LAMB2: variants seen among roughly 807,000 people sequenced by gnomAD.
The protein encoded by LAMB2 is laminin subunit beta 2.
A neutral mutation model predicts 202.7 loss-of-function variants in LAMB2; 119 were observed. That is an observed-to-expected ratio of 0.59 (90% CI 0.51 to 0.68). The LOEUF is 0.68. LAMB2 is among the 30% of genes least tolerant of loss of function. LAMB2 has a pLI of 0.00. For missense variants in LAMB2, 2,124 were observed against 2,410.6 expected, an observed-to-expected ratio of 0.88 and a Z score of 2.49; for synonymous variants, 818 against 902.2, an observed-to-expected ratio of 0.91 and a Z score of 1.67.
At position 49,131,258 on chromosome 3, in the gene LAMB2, G is replaced by A. The variant is rs2045478431; in HGVS notation, c.713-106C>T. The A allele has an allele frequency of 2.1e-5, 31 of 1,455,530 alleles. 1 individual carries two copies. In the South Asian group the frequency reaches 3.6e-4, roughly 17 times the overall value. The allele number at this position is 1,455,530 out of a possible 1,614,324, so 90.2% of individuals were successfully genotyped here. ...CACCTTGAAAGACCTCCTATACACT[G>A]CCACCCGAGCTAAACTGGGCTTGGC... is the stretch of plus-strand genomic sequence containing the variant. On this transcript the variant is annotated intron_variant, in intron 6 of 31. Coordinates refer to ENST00000305544, the MANE Select transcript of LAMB2 (RefSeq NM_002292.4). The surrounding 1 kb of genome is among the most constrained non-coding windows in gnomAD (Gnocchi z 5.0).
Position 49,129,957 on chromosome 3 carries a change from A to C in LAMB2, c.1287T>G (p.Pro429=). ...ACTGGCCGGAGACCAGTCCCAGTGC[A>C]GGGTCATCATGGGAATCACAGCGAC... ...DGGRCDSHDD[P]ALGLVSGQCR... The change falls in exon 10 of 32, where the codon CCT becomes CCG. Residue 429 remains proline, a synonymous_variant. Transcript: ENST00000305544. The surrounding 1 kb of genome is among the most constrained non-coding windows in gnomAD (Gnocchi z 6.1). 6.2e-7 allele frequency: 1 copy of C among 1,614,004 alleles called. No homozygotes were observed. Among genetic ancestry groups the C allele is most frequent in the Non-Finnish European group, 8.5e-7 (1 of 1,179,972 alleles).
intron 24 of LAMB2, 42 bp downstream of exon 24, chr3:49,123,686 C>T (rs1219687197): frequency 1.9e-6 from 3 of 1,613,708 alleles, no homozygotes; most frequent in Admixed American, 3.3e-5. Flanking sequence ...GTCCACTGGG[C>T]CTCTGCCCCA....
rs1412080788 is a variant in LAMB2, at chr3:49,125,470, G to A, written c.2503C>T (p.His835Tyr). The stretch of plus-strand genomic sequence containing the variant: ...CAGAGACTGCTGAGTGCCCCCTCGT[G>A]GCTGCACTGGCAGGCTAGGAGCAAG... ...PTGCQACQCS[H>Y]EGALSSLCEK... Residue 835 changes from histidine to tyrosine, a missense_variant, in exon 19 of 32, where the codon CAC (histidine) becomes TAC (tyrosine). His to Tyr is a moderately conservative substitution (Grantham distance 83, BLOSUM62 2). Transcript: ENST00000305544. 1 of 1,600,682 alleles carries A rather than the reference G, an allele frequency of 6.2e-7. No homozygotes were observed. The highest frequency in any genetic ancestry group is 8.5e-7 in the Non-Finnish European group (1 of 1,173,912).
In LAMB2 at chr3:49,124,198, T is replaced by G. The variant is rs755290920; in HGVS notation, c.3416A>C (p.Gln1139Pro). ...QELHWGDPGL[Q>P]CHACDCDSRG... ...CCCGCTGGCTCCCTCACCATGGCAC[T>G]GCAACCCAGGGTCTCCCCAGTGGAG... The change falls in exon 23 of 32, where the codon CAG becomes CCG. Residue 1139 changes from glutamine (Q) to proline (P), a missense_variant. By Grantham distance (76) the Gln-to-Pro change is moderately conservative. Around this residue, in one of 3 missense-constraint regions of LAMB2, gnomAD observed 1,702 missense variants for 1,896.3 expected, o/e 0.90. Coordinates refer to ENST00000305544, the MANE Select transcript of LAMB2 (RefSeq NM_002292.4). 1.9e-6 allele frequency: 3 copies of G among 1,614,010 alleles called. No homozygotes were observed. The highest frequency in any genetic ancestry group is 2.5e-6 in the Non-Finnish European group (3 of 1,179,940).
In LAMB2 at chr3:49,121,711, G is replaced by A; in HGVS notation, c.5073C>T (p.Ala1691=). Residue 1691 remains alanine (A), a synonymous_variant, in exon 30 of 32, where the codon GCC becomes GCT. Transcript: ENST00000305544. ...GCTCAGCCTCCTGGGCACGACCCTG[G>A]GCACTGCCTGCCGTTTCTTCTGCTG... ...ASTAEETAGS[A]QGRAQEAEQL... 2 of 1,613,958 alleles carry A rather than the reference G, an allele frequency of 1.2e-6. No individual in the cohort carries two copies. Among genetic ancestry groups the A allele is most frequent in the Admixed American group, 1.7e-5 (1 of 60,028 alleles).
Position 49,123,651 on chromosome 3 carries a change from G to A in LAMB2, c.3798-20C>T, listed in dbSNP as rs761169384. 6.2e-7 allele frequency: 1 copy of A among 1,614,000 alleles called. No homozygotes were observed. Among genetic ancestry groups the A allele is most frequent in the South Asian group, 1.1e-5 (1 of 91,082 alleles). On this transcript the variant is annotated intron_variant, in intron 24 of 31. Coordinates refer to ENST00000305544, the MANE Select transcript of LAMB2 (RefSeq NM_002292.4). Reference sequence around the variant, plus strand: ...TCACGCCTGCAATGATGGAGAGGGGGGTGTTTAGAGAGGCTTCAGCCCTGG... The same window carrying A: ...TCACGCCTGCAATGATGGAGAGGGGAGTGTTTAGAGAGGCTTCAGCCCTGG...
At chr3:49,124,958 C>G in intron 20 of LAMB2, 33 bp from the exon 21 acceptor site, 1 of 1,613,936 alleles carries the variant, frequency 6.2e-7, no homozygotes, top group Non-Finnish European at 8.5e-7. Context: ...TGTGAGTGCT[C>G]AGCCCAGCCA....
rs2107634244 is a variant in LAMB2 at position 49,122,456 on chromosome 3, G to A, written c.4574-86C>T. ...GTTTTGGGGTATGGACTCAGGACAT[G>A]TACATGGGATAGGGGTTTGTTACCA... is the stretch of plus-strand genomic sequence containing the variant. On this transcript the variant is annotated intron_variant, in intron 27 of 31. Transcript: ENST00000305544. 15 of 1,272,306 alleles carry A rather than the reference G, an allele frequency of 1.2e-5. 1 individual carries two copies. In the South Asian group the frequency reaches 1.7e-4, roughly 14 times the overall value. The allele number at this position is 1,272,306 out of a possible 1,614,324, so 78.8% of individuals were successfully genotyped here.
Position 49,123,237 on chromosome 3 carries a change from A to C in LAMB2, c.4119T>G (p.Asp1373Glu). 6.2e-7 allele frequency: 1 copy of C among 1,614,044 alleles called. No individual in the cohort carries two copies. The highest frequency in any genetic ancestry group is 1.1e-5 in the South Asian group (1 of 91,086). Residue 1373 changes from aspartate (D) to glutamate (E), a missense_variant, in exon 26 of 32, where the codon GAT (aspartate) becomes GAG (glutamate). Transcript: ENST00000305544. ...TGCTGTTGAAGTCCTCCTTCTGAGCATCCATCAGTGCCTCTGTCCGATGCC... is the reference window on the plus strand; with the variant it reads ...TGCTGTTGAAGTCCTCCTTCTGAGCCTCCATCAGTGCCTCTGTCCGATGCC... ...SARHRTEALM[D>E]AQKEDFNSKH...
rs776339476 is a variant in LAMB2, at chr3:49,130,914, C to T, written c.915+36G>A. ...CACTGCTCAGCCATGTCCGCCCCTGCCCCTAGCCCTATCCCAACCGTCTGA... is the reference window on the plus strand; with the variant it reads ...CACTGCTCAGCCATGTCCGCCCCTGTCCCTAGCCCTATCCCAACCGTCTGA... On this transcript the variant is annotated intron_variant, in intron 7 of 31. Coordinates refer to ENST00000305544, the MANE Select transcript of LAMB2 (RefSeq NM_002292.4). This position sits in a 1 kb window ranked among gnomAD's most constrained non-coding sequence, Gnocchi z 5.0. 1 of 1,614,062 alleles carries T rather than the reference C, an allele frequency of 6.2e-7. No individual in the cohort carries two copies. The highest frequency in any genetic ancestry group is 2.2e-5 in the East Asian group (1 of 44,902).
In LAMB2 at chr3:49,128,653, G is replaced by A. The variant is rs774610142; in HGVS notation, c.1890+8C>T. On this transcript the variant is annotated splice_region_variant and intron_variant, in intron 14 of 31. Coordinates refer to ENST00000305544, the MANE Select transcript of LAMB2 (RefSeq NM_002292.4). ...GGTTCAGCCCCAGATTAGATAACAG[G>A]GTCTAACCTGGGGCTCTAAGCGCAG... The A allele has an allele frequency of 6.2e-7, 1 of 1,614,030 alleles. No homozygotes were observed. Among genetic ancestry groups the A allele is most frequent in the African/African-American group, 1.3e-5 (1 of 74,922 alleles).
Position 49,121,952 on chromosome 3 carries a change from G to C in LAMB2, c.4915C>G (p.Leu1639Val). ...VADTRDTEQT[L>V]YQVQERMAGA... ...TCCTAGGAAGACCTCACCTGGTACA[G>C]GGTCTGCTCTGTGTCCCGTGTGTCA... The change falls in exon 29 of 32, where the codon CTG becomes GTG. Residue 1639 changes from leucine to valine, a missense_variant. Coordinates refer to ENST00000305544, the MANE Select transcript of LAMB2 (RefSeq NM_002292.4). 3.1e-6 allele frequency: 5 copies of C among 1,614,014 alleles called. No individual in the cohort carries two copies. The highest frequency in any genetic ancestry group is 4.2e-6 in the Non-Finnish European group (5 of 1,180,044).
chr3:49,123,286 G>A lies in LAMB2; in HGVS notation c.4070C>T (p.Pro1357Leu), dbSNP rs141074838. 46 of 1,614,132 alleles carry A rather than the reference G, an allele frequency of 2.8e-5. No individual in the cohort carries two copies. The African/African-American group carries it at 4.9e-4, about 17-fold the overall frequency. The change falls in exon 26 of 32, where the codon CCT (proline) becomes CTT (leucine). Residue 1357 changes from proline to leucine, a missense_variant. By Grantham distance (98) the Pro-to-Leu change is moderately conservative. This residue lies in a region of LAMB2 where 1,702 missense variants were observed against 1,896.3 expected (regional missense o/e 0.90). Coordinates refer to ENST00000305544, the MANE Select transcript of LAMB2 (RefSeq NM_002292.4). ...CCGAGCACTTGCCGAGTTGCTCACA[G>A]GGCTAGGTACTGCCAGGGCTGAGGT... is the stretch of plus-strand genomic sequence containing the variant. ...ANTSALAVPS[P>L]VSNSASARHR...
At position 49,132,400 on chromosome 3, in the gene LAMB2, TTCG is replaced by T. The variant is rs760098222; in HGVS notation, c.252_254del (p.Asp84del). ...GGGAGTCACAAAGGAAGCACTTCTT[TTCG>T]TCCTGGGTTGGATGGGGATTAGAAT... On this transcript the variant is annotated inframe_deletion and splice_region_variant, in exon 3 of 32. Transcript: ENST00000305544. This position sits in a 1 kb window ranked among gnomAD's most constrained non-coding sequence, Gnocchi z 4.6. 29 of 1,614,116 alleles carry T rather than the reference TTCG, an allele frequency of 1.8e-5. No individual in the cohort carries two copies. Among genetic ancestry groups the T allele is most frequent in the Non-Finnish European group, 8.5e-7 (1 of 1,180,050 alleles).
In LAMB2 at chr3:49,131,173, C is replaced by T; in HGVS notation, c.713-21G>A. On this transcript the variant is annotated intron_variant, in intron 6 of 31. Transcript: ENST00000305544. This position sits in a 1 kb window ranked among gnomAD's most constrained non-coding sequence, Gnocchi z 5.0. Reference sequence around the variant, plus strand: ...CAGGTCTGAGGCGGGGGAAGGGGGGCCAACTGACCAGGCAGGCCCTTGCTG... The same window carrying T: ...CAGGTCTGAGGCGGGGGAAGGGGGGTCAACTGACCAGGCAGGCCCTTGCTG... The T allele has an allele frequency of 6.2e-7, 1 of 1,610,386 alleles. No individual in the cohort carries two copies. The highest frequency in any genetic ancestry group is 8.5e-7 in the Non-Finnish European group (1 of 1,177,950).
In LAMB2 at chr3:49,129,728, G is replaced by A. The variant is rs768690535; in HGVS notation, c.1406-12C>T. 6.2e-7 allele frequency: 1 copy of A among 1,612,494 alleles called. No homozygotes were observed. Among genetic ancestry groups the A allele is most frequent in the South Asian group, 1.1e-5 (1 of 91,044 alleles). On this transcript the variant is annotated splice_polypyrimidine_tract_variant and intron_variant, in intron 10 of 31. Coordinates refer to ENST00000305544, the MANE Select transcript of LAMB2 (RefSeq NM_002292.4). The surrounding 1 kb of genome is among the most constrained non-coding windows in gnomAD (Gnocchi z 6.1). ...ATTACATTGACATCCTGCAGGGAAG[G>A]AGAACCATCAGCACTTTGGGAAACT...
rs1459957730 is a variant in LAMB2 at position 49,123,314 on chromosome 3, T to G, written c.4042A>C (p.Asn1348His). The change falls in exon 26 of 32, where the codon AAT becomes CAT. Residue 1348 changes from asparagine (N) to histidine (H), a missense_variant. This residue lies in a region of LAMB2 where 1,702 missense variants were observed against 1,896.3 expected (regional missense o/e 0.90). Coordinates refer to ENST00000305544, the MANE Select transcript of LAMB2 (RefSeq NM_002292.4). ...CTAGGTACTGCCAGGGCTGAGGTAT[T>G]GGCACGACGTTCTGCCTCTGCAGAC... ...SQSAEAERRA[N>H]TSALAVPSPV... 15 of 1,613,988 alleles carry G rather than the reference T, an allele frequency of 9.3e-6. No individual in the cohort carries two copies. Among genetic ancestry groups the G allele is most frequent in the Non-Finnish European group, 1.3e-5 (15 of 1,180,028 alleles).
rs201289156 is a variant in LAMB2 at position 49,126,016 on chromosome 3, G to A, written c.2295C>T (p.Cys765=). 71 of 1,614,156 alleles carry A rather than the reference G, an allele frequency of 4.4e-5. No individual in the cohort carries two copies. Among genetic ancestry groups the A allele is most frequent in the Middle Eastern group, 1.6e-4 (1 of 6,062 alleles). Residue 765 remains cysteine, a synonymous_variant, in exon 17 of 32, where the codon TGC becomes TGT. Coordinates refer to ENST00000305544, the MANE Select transcript of LAMB2 (RefSeq NM_002292.4). ...TGGACAGGCTGATGAGGAGGGGTGC[G>A]CAGGCCTCAGAGGGAGAAGTCTTGC... ...VPSKTSPSEA[C]APLLISLSTL... is the part of the protein sequence containing the mutation.
At position 49,124,176 on chromosome 3, in the gene LAMB2, G is replaced by A. The variant is rs755669725; in HGVS notation, c.3424+14C>T. 5.0e-6 allele frequency: 8 copies of A among 1,613,956 alleles called. No individual in the cohort carries two copies. Among genetic ancestry groups the A allele is most frequent in the Admixed American group, 3.3e-5 (2 of 60,004 alleles). On this transcript the variant is annotated intron_variant, in intron 23 of 31. Transcript: ENST00000305544. ...GAAGTCCTCCATCTACCCTGGCCCCGCTGGCTCCCTCACCATGGCACTGCA... is the reference window on the plus strand; with the variant it reads ...GAAGTCCTCCATCTACCCTGGCCCCACTGGCTCCCTCACCATGGCACTGCA...
Sources: allele counts gnomAD v4.1 joint callset, GRCh38; gene constraint gnomAD v4.1.1; regional missense constraint gnomAD v4.1.1; non-coding constraint Gnocchi (gnomAD v3.1); transcripts MANE v1.5; gene names NCBI Gene and HGNC (gene_info 2026-07-23, HGNC 2026-07-21).